PTPRG: variants seen among roughly 807,000 people sequenced by gnomAD.
The protein encoded by PTPRG is receptor-type tyrosine-protein phosphatase gamma.
In PTPRG, 102 loss-of-function variants were observed where a neutral mutation model predicts 165.3. That is an observed-to-expected ratio of 0.62 (90% CI 0.53 to 0.73). The LOEUF (loss-of-function observed/expected upper bound fraction) is 0.73, where lower values mean the gene tolerates loss of function less well. Ranked by LOEUF, PTPRG falls within the 30% of genes least tolerant of loss-of-function variation. The probability of loss-of-function intolerance (pLI) is 0.00; values close to 1 mark genes in which losing one functional copy is unlikely to be tolerated. For synonymous variants in PTPRG, 675 were observed against 669.5 expected, an observed-to-expected ratio of 1.01 and a Z score of -0.13; for missense variants, 1,866 against 1,861.4, an observed-to-expected ratio of 1.00 and a Z score of -0.05.
At chr3:62,244,188 G>A (rs1308848972) in intron 15 of PTPRG, among the ~76,000 whole-genome samples, 1 of 152,216 alleles carries the variant, frequency 6.6e-6, no homozygotes, top group Non-Finnish European at 1.5e-5. Flanking sequence ...ATCACAATTT[G>A]TGACACATTT....
At chr3:61,628,613 C>A (rs1196490753) in intron 1 of PTPRG, among the ~76,000 whole-genome samples, 1 of 152,138 alleles carries the variant, frequency 6.6e-6, no homozygotes, top group African/African-American at 2.4e-5. Context: ...GGATTACAGG[C>A]AAGAGCCACT....
At chr3:61,964,625 A>G (rs1022319533) in intron 2 of PTPRG, among the ~76,000 whole-genome samples, 1 of 152,208 alleles carries the variant, frequency 6.6e-6, no homozygotes, top group African/African-American at 2.4e-5. Context: ...CTATAAAGCC[A>G]ATAATTCTCC....
At chr3:61,633,607 G>T (rs574740968) in intron 1 of PTPRG, among the ~76,000 whole-genome samples, 7 of 152,164 alleles carry the variant, frequency 4.6e-5, no homozygotes, top group African/African-American at 1.7e-4. Context: ...AAGATTTTCT[G>T]TATACAAGAT....
rs887083147 is a variant in PTPRG at position 62,057,213 on chromosome 3, A to G, written c.520-20950A>G. Among the ~76,000 whole-genome samples the G allele has an allele frequency of 3.9e-5, 6 of 152,168 alleles. No homozygotes were observed. The South Asian group carries it at 8.3e-4, about 21-fold the overall frequency. On this transcript the variant is annotated intron_variant, in intron 4 of 29. Transcript: ENST00000474889. ...AAGGCAGGGATGGTTAACCCTGGCT[A>G]CACCTTTGGGTTTTTAACCCTGGTG...
At chr3:62,263,793 A>G (rs748582570) in intron 17 of PTPRG, 2 of 152,220 alleles carry the variant, frequency 1.3e-5, no homozygotes, top group Non-Finnish European at 2.9e-5. Flanking sequence ...CAGGTGGATC[A>G]CTTGAGGCCA....
rs181887206 is a variant in PTPRG, at chr3:61,713,613, G to A, written c.86-35265G>A. 7.4e-4 allele frequency among the ~76,000 whole-genome samples: 112 copies of A among 152,044 alleles called. 1 individual carries two copies. The highest frequency in any genetic ancestry group is 2.4e-4 in the Non-Finnish European group (16 of 67,988). ...ATTCAGGTTATTCCAATTTTTATTA[G>A]CCCTCCCCCAAATTTAATATAATAT... is the stretch of plus-strand genomic sequence containing the variant. On this transcript the variant is annotated intron_variant, in intron 1 of 29. Coordinates refer to ENST00000474889, the MANE Select transcript of PTPRG (RefSeq NM_002841.4).
At chr3:62,277,800 T>G (rs1702281639) in intron 26 of PTPRG, 121 bp downstream of exon 26, 2 of 1,223,350 alleles carry the variant, frequency 1.6e-6, no homozygotes, top group South Asian at 1.5e-5. Flanking sequence ...TTAAAATTTT[T>G]AAATTCTCAT....
At chr3:61,702,322 T>C (rs966036909) in intron 1 of PTPRG, among the ~76,000 whole-genome samples, 2 of 152,338 alleles carry the variant, frequency 1.3e-5, no homozygotes, top group South Asian at 4.1e-4. Flanking sequence ...GCTAAGACTT[T>C]ACCCATCCTT....
intron 1 of PTPRG, among the ~76,000 whole-genome samples, chr3:61,669,705 A>G (rs1702915411): frequency 6.6e-6 from 1 of 152,146 alleles, no homozygotes; most frequent in African/African-American, 2.4e-5. Flanking sequence ...TAGGATACAC[A>G]TTACTTTTTC....
chr3:61,702,242 G>A (rs531336829), intron 1 of PTPRG, among the ~76,000 whole-genome samples: 2 of 152,290 alleles, frequency 1.3e-5, no homozygotes, highest in South Asian at 4.1e-4. Context: ...GCCTCCCAAA[G>A]TGCTGGGATT....
At chr3:61,639,649 ATT>A (rs1441357986) in intron 1 of PTPRG, among the ~76,000 whole-genome samples, 7 of 151,534 alleles carry the variant, frequency 4.6e-5, no homozygotes, top group African/African-American at 1.5e-4. Context: ...ATTCCTAGGT[ATT>A]TTATTCTTTT....
intron 5 of PTPRG, among the ~76,000 whole-genome samples, chr3:62,109,233 G>C (rs2106852006): frequency 6.6e-6 from 1 of 152,244 alleles, no homozygotes; most frequent in South Asian, 2.1e-4. Flanking sequence ...AAGGTGTAAG[G>C]AAGGGGTCCA....
intron 1 of PTPRG, among the ~76,000 whole-genome samples, chr3:61,738,299 TATATATATATATAC>T (rs1559583326): frequency 0.023 from 2,010 of 87,208 alleles, 308 homozygotes; most frequent in South Asian, 0.065. Flanking sequence ...TATATATATA[TATATATATATATAC>T]ATATATATAT....
At chr3:62,188,439 G>A (rs979798508) in intron 8 of PTPRG, among the ~76,000 whole-genome samples, 2 of 152,246 alleles carry the variant, frequency 1.3e-5, no homozygotes, top group South Asian at 2.1e-4. Context: ...TCAATTGTGC[G>A]TATGTACTTT....
chr3:61,819,692 C>T (rs1357380520), intron 2 of PTPRG, among the ~76,000 whole-genome samples: 1 of 152,116 alleles, frequency 6.6e-6, no homozygotes, highest in Admixed American at 6.5e-5. Context: ...TGTTAAATGG[C>T]ACCATGGGGA....
chr3:61,817,271 G>C (rs1237811681), intron 2 of PTPRG, among the ~76,000 whole-genome samples: 2 of 129,116 alleles, frequency 1.5e-5, no homozygotes, highest in Non-Finnish European at 3.1e-5. Context: ...AGTAAGTGCT[G>C]AACCTTTTAA....
intron 4 of PTPRG, 115 bp from the exon 5 acceptor site, chr3:62,078,048 A>T: frequency 1.4e-6 from 1 of 711,898 alleles, no homozygotes; most frequent in South Asian, 1.8e-5. Flanking sequence ...ACAGGTGAAT[A>T]AATTTGGCAA....
Position 62,228,078 on chromosome 3 carries a change from A to AT in PTPRG, c.2289-3143dup, listed in dbSNP as rs1457359299. ...CCTGTTTGGCCCCTGTGGGTGGTTG[A>AT]TTTTGCATTCCCCTGGGTTGCAATA... On this transcript the variant is annotated intron_variant, in intron 13 of 29. Transcript: ENST00000474889. The surrounding 1 kb of genome is among the most constrained non-coding windows in gnomAD (Gnocchi z 4.1). Among the ~76,000 whole-genome samples, 2 of 151,788 alleles carry AT rather than the reference A, an allele frequency of 1.3e-5. No homozygotes were observed.
intron 1 of PTPRG, among the ~76,000 whole-genome samples, chr3:61,611,876 C>G (rs748204341): frequency 1.3e-5 from 2 of 152,166 alleles, no homozygotes; most frequent in Non-Finnish European, 2.9e-5. Flanking sequence ...ATATAAAAAT[C>G]CTTCTTTACA....
Sources: allele counts gnomAD v4.1 joint callset (sites outside exome capture counted in the v4.1 genomes callset), GRCh38; gene constraint gnomAD v4.1.1; non-coding constraint Gnocchi (gnomAD v3.1); transcripts MANE v1.5; gene names NCBI Gene and HGNC (gene_info 2026-07-23, HGNC 2026-07-21).